FBXL7: variants seen among roughly 807,000 people sequenced by gnomAD.
The protein encoded by FBXL7 is F-box/LRR-repeat protein 7.
Under a neutral mutation model 38.3 loss-of-function variants are expected in FBXL7, and 12 were observed. The observed-to-expected ratio is 0.31, with a 90% CI of 0.20 to 0.51. FBXL7 has a LOEUF of 0.51. Ranked by LOEUF, FBXL7 falls within the 20% of genes least tolerant of loss-of-function variation. The pLI, the probability that FBXL7 is intolerant of heterozygous loss-of-function variation, is 0.98. For synonymous variants in FBXL7, 297 were observed against 300.9 expected (o/e 0.99, Z 0.13); for missense variants, 567 against 676.4 (o/e 0.84, Z 1.79).
At chr5:15,511,677 C>T (rs556176955) in intron 1 of FBXL7, among the ~76,000 whole-genome samples, 5 of 152,258 alleles carry the variant, frequency 3.3e-5, no homozygotes, top group Admixed American at 2.6e-4. Flanking sequence ...AGGAATTAAT[C>T]TCATTTATCA....
At chr5:15,666,415 A>T (rs1489603598) in intron 2 of FBXL7, among the ~76,000 whole-genome samples, 1 of 152,218 alleles carries the variant, frequency 6.6e-6, no homozygotes, top group Admixed American at 6.5e-5. Flanking sequence ...TATTTCTGCA[A>T]CAACTTTGTG....
intron 2 of FBXL7, among the ~76,000 whole-genome samples, chr5:15,657,781 T>G (rs1419807392): frequency 6.6e-6 from 1 of 151,548 alleles, no homozygotes; most frequent in Non-Finnish European, 1.5e-5. Context: ...AAGTTTGTAG[T>G]GAGCCGAGAT....
At chr5:15,920,833 T>G (rs185280655) in intron 2 of FBXL7, among the ~76,000 whole-genome samples, 1 of 152,184 alleles carries the variant, frequency 6.6e-6, no homozygotes, top group Admixed American at 6.5e-5. Context: ...TTTGGTTCTT[T>G]TTGTGTCTTT....
chr5:15,797,423 A>C (rs2126737495), intron 2 of FBXL7, among the ~76,000 whole-genome samples: 1 of 152,306 alleles, frequency 6.6e-6, no homozygotes, highest in African/African-American at 2.4e-5. Flanking sequence ...AACATACAGA[A>C]CCTTTGTGAG....
intron 1 of FBXL7, among the ~76,000 whole-genome samples, chr5:15,568,807 T>C (rs2126448399): frequency 6.6e-6 from 1 of 152,308 alleles, no homozygotes; most frequent in Middle Eastern, 3.4e-3. Flanking sequence ...TTTCTACATA[T>C]GGCTAGCCAG....
intron 2 of FBXL7, among the ~76,000 whole-genome samples, chr5:15,823,258 T>G (rs764707785): frequency 1.3e-5 from 2 of 152,214 alleles, no homozygotes; most frequent in Non-Finnish European, 2.9e-5. Flanking sequence ...GAGTCCAATG[T>G]GTGTCAACAG....
At chr5:15,691,064 CATCCCTCTTAATGAGCTTTCCT>C (rs998160046) in intron 2 of FBXL7, among the ~76,000 whole-genome samples, 8 of 152,176 alleles carry the variant, frequency 5.3e-5, no homozygotes, top group Non-Finnish European at 1.2e-4. Context: ...ATGGCTTTCC[CATCCCTCTTAATGAGCTTTCCT>C]ATCTGTTGGT....
rs1267660833 is a variant in FBXL7, at chr5:15,751,222, C to T, written c.127+135150C>T. ...CACTATTGAACACTTGCCTTTTGTT[C>T]CCATAAGGCTCTAGCCCAGTGGTAA... On this transcript the variant is annotated intron_variant, in intron 2 of 3. Transcript: ENST00000504595. 2.7e-5 allele frequency among the ~76,000 whole-genome samples: 4 copies of T among 150,036 alleles called. No individual in the cohort carries two copies. The East Asian group carries it at 6.0e-4, about 22-fold the overall frequency.
chr5:15,843,488 G>C (rs257768), intron 2 of FBXL7, among the ~76,000 whole-genome samples: 1 of 151,916 alleles, frequency 6.6e-6, no homozygotes, highest in South Asian at 2.1e-4. Flanking sequence ...CTTTCCTTCT[G>C]TTTGGTTGAG....
At chr5:15,833,976 C>T (rs1240124751) in intron 2 of FBXL7, among the ~76,000 whole-genome samples, 1 of 152,294 alleles carries the variant, frequency 6.6e-6, no homozygotes, top group Admixed American at 6.5e-5. Context: ...TAAGAAGTTG[C>T]ATCAGAAACA....
At chr5:15,891,222 T>C (rs1740890013) in intron 2 of FBXL7, among the ~76,000 whole-genome samples, 1 of 152,192 alleles carries the variant, frequency 6.6e-6, no homozygotes. Context: ...TTTAAATATC[T>C]TCAAGTTCTT....
At chr5:15,758,041 G>A (rs552916510) in intron 2 of FBXL7, among the ~76,000 whole-genome samples, 41 of 152,168 alleles carry the variant, frequency 2.7e-4, no homozygotes, top group Non-Finnish European at 4.3e-4. Flanking sequence ...ATAACAGGTA[G>A]CACCATGGAA....
intron 2 of FBXL7, among the ~76,000 whole-genome samples, chr5:15,813,715 T>C (rs977806361): frequency 6.6e-6 from 1 of 151,832 alleles, no homozygotes; most frequent in Non-Finnish European, 1.5e-5. Flanking sequence ...ACAAAGAACT[T>C]AAACAAATTT....
chr5:15,526,038 G>A (rs1737243065), intron 1 of FBXL7, among the ~76,000 whole-genome samples: 1 of 152,160 alleles, frequency 6.6e-6, no homozygotes, highest in Non-Finnish European at 1.5e-5. Flanking sequence ...TGAAAATGAT[G>A]TGGGGGTGAT....
intron 1 of FBXL7, among the ~76,000 whole-genome samples, chr5:15,605,286 C>T (rs116062235): frequency 2.6e-5 from 4 of 152,100 alleles, no homozygotes; most frequent in East Asian, 1.9e-4. Context: ...TCCAGCACTC[C>T]GTCATTGCAG....
At chr5:15,700,340 G>T (rs895899917) in intron 2 of FBXL7, among the ~76,000 whole-genome samples, 4 of 152,168 alleles carry the variant, frequency 2.6e-5, no homozygotes, top group Non-Finnish European at 4.4e-5. Flanking sequence ...AGCCAAAAGC[G>T]TTCCTTGCTG....
chr5:15,759,344 CT>C lies in FBXL7; in HGVS notation c.127+143280del, dbSNP rs961290000. On this transcript the variant is annotated intron_variant, in intron 2 of 3. Coordinates refer to ENST00000504595, the MANE Select transcript of FBXL7 (RefSeq NM_012304.5). ...AATAATTTCATTTAAACTTTCCTCA[CT>C]TTTTTTTAATCACAACTGAACTGTA... is the stretch of plus-strand genomic sequence containing the variant. Among the ~76,000 whole-genome samples the C allele has an allele frequency of 8.5e-5, 13 of 152,076 alleles. No individual in the cohort carries two copies. The East Asian group carries it at 9.6e-4, about 11-fold the overall frequency.
chr5:15,623,983 T>A (rs1232474128), intron 2 of FBXL7, among the ~76,000 whole-genome samples: 2 of 152,212 alleles, frequency 1.3e-5, no homozygotes, highest in Non-Finnish European at 2.9e-5. Flanking sequence ...ACTTAATGCT[T>A]ATTTTGTCAT....
chr5:15,572,339 T>C (rs962231328), intron 1 of FBXL7, among the ~76,000 whole-genome samples: 2 of 148,896 alleles, frequency 1.3e-5, no homozygotes, highest in Admixed American at 6.8e-5. Flanking sequence ...GGATAAATCA[T>C]GCTCAGGTAT....
Sources: allele counts gnomAD v4.1 joint callset (sites outside exome capture counted in the v4.1 genomes callset), GRCh38; gene constraint gnomAD v4.1.1; transcripts MANE v1.5; gene names NCBI Gene and HGNC (gene_info 2026-07-23, HGNC 2026-07-21).